Variants in SDK1 observed in about 807,000 individuals in gnomAD.
The protein encoded by SDK1 is sidekick cell adhesion molecule 1.
In SDK1, 157 loss-of-function variants were observed where a neutral mutation model predicts 245.5. The ratio of observed to expected loss-of-function variants is 0.64; its 90% CI spans 0.56 to 0.73. The LOEUF is 0.73. Among genes scored for constraint, SDK1 ranks in the 30% least tolerant of loss-of-function variants. The pLI, the probability that SDK1 is intolerant of heterozygous loss-of-function variation, is 0.00. For missense variants in SDK1, 3,583 were observed against 3,002.3 expected, an observed-to-expected ratio of 1.19 and a Z score of -4.52; for synonymous variants, 1,647 against 1,278.5, an observed-to-expected ratio of 1.29 and a Z score of -6.15.
At chr7:4,234,752 G>A (rs1171984502) in intron 41 of SDK1, among the ~76,000 whole-genome samples, 4 of 152,190 alleles carry the variant, frequency 2.6e-5, no homozygotes, top group Non-Finnish European at 2.9e-5. Flanking sequence ...TTTACCCCGC[G>A]ATGATTCTAT....
chr7:3,442,486 T>G (rs1436616777), intron 1 of SDK1, among the ~76,000 whole-genome samples: 1 of 152,208 alleles, frequency 6.6e-6, no homozygotes, highest in African/African-American at 2.4e-5. Flanking sequence ...TACACTATCC[T>G]CCTAAGACCT....
At chr7:3,358,450 T>G (rs1288241923) in intron 1 of SDK1, among the ~76,000 whole-genome samples, 2 of 152,158 alleles carry the variant, frequency 1.3e-5, no homozygotes, top group Non-Finnish European at 2.9e-5. Context: ...TTTTCTTGTT[T>G]TGTTTTTCTC....
At chr7:3,320,135 T>G (rs1390398050) in intron 1 of SDK1, among the ~76,000 whole-genome samples, 1 of 152,050 alleles carries the variant, frequency 6.6e-6, no homozygotes, top group African/African-American at 2.4e-5. Flanking sequence ...TCCGGATGAC[T>G]GTTTCACACA....
intron 5 of SDK1, among the ~76,000 whole-genome samples, chr7:3,946,042 C>G (rs982117723): frequency 1.3e-5 from 2 of 149,662 alleles, no homozygotes; most frequent in Non-Finnish European, 3.0e-5. Context: ...AATAAGAGCC[C>G]TAGAAAGAAA....
intron 1 of SDK1, among the ~76,000 whole-genome samples, chr7:3,339,234 G>A (rs1442884356): frequency 6.6e-6 from 1 of 152,154 alleles, no homozygotes; most frequent in Non-Finnish European, 1.5e-5. Context: ...AGGAAGACAT[G>A]ATGATCCTAA....
intron 35 of SDK1, 68 bp from the exon 36 acceptor site, chr7:4,205,811 T>G: frequency 8.0e-7 from 1 of 1,256,918 alleles, no homozygotes; most frequent in Non-Finnish European, 1.1e-6. Flanking sequence ...CCCATGGGCA[T>G]GTGGGCGAGG....
intron 36 of SDK1, among the ~76,000 whole-genome samples, chr7:4,206,445 T>A (rs539371222): frequency 1.3e-5 from 2 of 152,168 alleles, no homozygotes; most frequent in African/African-American, 4.8e-5. Flanking sequence ...CTTGATTCGG[T>A]CGGTCCAGGG....
intron 5 of SDK1, among the ~76,000 whole-genome samples, chr7:3,867,168 A>G (rs931867197): frequency 5.3e-5 from 8 of 152,220 alleles, no homozygotes; most frequent in African/African-American, 1.9e-4. Flanking sequence ...TTTAAGTTAG[A>G]TTGAAGTGAA....
At chr7:3,596,552 C>T (rs1303194771) in intron 1 of SDK1, among the ~76,000 whole-genome samples, 1 of 152,194 alleles carries the variant, frequency 6.6e-6, no homozygotes, top group South Asian at 2.1e-4. Flanking sequence ...GTGACCACCT[C>T]CTCACTCCAG....
At chr7:4,144,175 C>T (rs554480642) in intron 28 of SDK1, among the ~76,000 whole-genome samples, 10 of 152,218 alleles carry the variant, frequency 6.6e-5, no homozygotes, top group Admixed American at 1.3e-4. Context: ...AGCTGGCCGC[C>T]GTCTCTAGGC....
intron 4 of SDK1, among the ~76,000 whole-genome samples, chr7:3,656,380 C>T (rs984943080): frequency 3.3e-5 from 5 of 152,176 alleles, no homozygotes; most frequent in African/African-American, 1.2e-4. Flanking sequence ...GTCAGTGCTA[C>T]TCTCCCCAAA....
In SDK1 at chr7:3,434,975, A is replaced by G. The variant is rs188313171; in HGVS notation, c.298+133091A>G. Among the ~76,000 whole-genome samples, 330 of 152,258 alleles carry G rather than the reference A, an allele frequency of 2.2e-3. 2 individuals are homozygous for G. Among genetic ancestry groups the G allele is most frequent in the Admixed American group, 5.0e-3 (76 of 15,290 alleles). ...GATGATGAAGTAAAATTTTACAACA[A>G]TTTTTGAATACTTTTCCTAACTGTC... On this transcript the variant is annotated intron_variant, in intron 1 of 44. Transcript: ENST00000404826.
intron 4 of SDK1, among the ~76,000 whole-genome samples, chr7:3,760,573 AAACATTTTCCTC>A (rs1361643588): frequency 3.9e-5 from 6 of 152,258 alleles, no homozygotes; most frequent in African/African-American, 1.2e-4. Context: ...TAAGGAATTA[AAACATTTTCCTC>A]AGAATAATAG....
At chr7:3,705,703 G>A (rs948787633) in intron 4 of SDK1, among the ~76,000 whole-genome samples, 3 of 151,962 alleles carry the variant, frequency 2.0e-5, no homozygotes, top group Admixed American at 6.6e-5. Context: ...TTGGCAGACA[G>A]CAATAATTTG....
chr7:4,014,894 C>T (rs566351073), intron 16 of SDK1, among the ~76,000 whole-genome samples: 5 of 152,244 alleles, frequency 3.3e-5, no homozygotes, highest in South Asian at 2.1e-4. Flanking sequence ...AATGGGCCAA[C>T]GTGACTGTTC....
chr7:4,161,606 G>A (rs1584333374), intron 31 of SDK1, among the ~76,000 whole-genome samples, 180 bp from the exon 32 acceptor site: 1 of 152,250 alleles, frequency 6.6e-6, no homozygotes, highest in East Asian at 1.9e-4. Context: ...CCTATCCCGA[G>A]GACAGGCTTT....
intron 1 of SDK1, among the ~76,000 whole-genome samples, chr7:3,429,743 T>G (rs1450950742): frequency 2.0e-5 from 3 of 151,538 alleles, no homozygotes; most frequent in Non-Finnish European, 4.4e-5. Flanking sequence ...ATTACAGGTG[T>G]GGGACACCAT....
chr7:4,262,243 G>A (rs1200461025), intron 44 of SDK1, among the ~76,000 whole-genome samples: 3 of 151,214 alleles, frequency 2.0e-5, no homozygotes, highest in Non-Finnish European at 2.9e-5. Context: ...TCACCGTGTT[G>A]GACAGGCTGG....
chr7:3,947,530 T>TG (rs1554286519), intron 5 of SDK1, among the ~76,000 whole-genome samples: 2 of 140,376 alleles, frequency 1.4e-5, no homozygotes, highest in South Asian at 4.8e-4. Flanking sequence ...AAGTATTTGC[T>TG]TGTGTGTGTG....
Sources: gnomAD v4.1 joint callset for allele counts (sites outside exome capture counted in the v4.1 genomes callset) on GRCh38, gnomAD v4.1.1 for gene constraint, MANE v1.5 for transcripts, NCBI Gene and HGNC (gene_info 2026-07-23, HGNC 2026-07-21) for gene names.